Variants in GRIA2 observed in about 807,000 individuals in gnomAD.
GRIA2 encodes the protein glutamate receptor 2.
GRIA2 carries 14 observed loss-of-function variants against 97.3 expected under a neutral mutation model. The ratio of observed to expected loss-of-function variants is 0.14; its 90% CI spans 0.10 to 0.23. GRIA2 has a LOEUF of 0.23. GRIA2 is among the 10% of genes least tolerant of loss of function. The pLI is 1.00. For synonymous variants in GRIA2, 412 were observed against 387.8 expected (o/e 1.06, Z -0.73); for missense variants, 558 against 1,069.8 (o/e 0.52, Z 6.67).
intron 2 of GRIA2, among the ~76,000 whole-genome samples, chr4:157,297,386 A>G (rs576287511): frequency 2.4e-4 from 37 of 152,294 alleles, no homozygotes; most frequent in Admixed American, 1.0e-3. Flanking sequence ...TGCATGATTA[A>G]TAAATAGTTA....
At chr4:157,342,215 A>G (rs1735579677) in intron 12 of GRIA2, 3 of 981,506 alleles carry the variant, frequency 3.1e-6, no homozygotes, top group Admixed American at 6.2e-5. Flanking sequence ...TAATCTACAA[A>G]TATATTCGAA....
At chr4:157,349,914 C>T (rs1405304720) in intron 12 of GRIA2, among the ~76,000 whole-genome samples, 5 of 152,016 alleles carry the variant, frequency 3.3e-5, no homozygotes, top group African/African-American at 9.6e-5. Context: ...CTCTAATGTC[C>T]GTATCATCTG....
chr4:157,225,936 A>G (rs1729725505), intron 2 of GRIA2, among the ~76,000 whole-genome samples: 1 of 152,066 alleles, frequency 6.6e-6, no homozygotes, highest in Non-Finnish European at 1.5e-5. Flanking sequence ...AAAAGATTTT[A>G]GTAAACTTTG....
chr4:157,335,508 A>G (rs1735242369), intron 9 of GRIA2, 163 bp from the exon 10 acceptor site: 1 of 597,852 alleles, frequency 1.7e-6, no homozygotes, highest in Non-Finnish European at 3.0e-6. Flanking sequence ...TTCTGGGGGG[A>G]AGCATTATGC....
intron 2 of GRIA2, among the ~76,000 whole-genome samples, chr4:157,231,229 G>T (rs1055786022): frequency 2.4e-4 from 37 of 152,194 alleles, no homozygotes; most frequent in African/African-American, 7.2e-4. Context: ...AGTAGAGATG[G>T]GGTTTCACCG....
intron 2 of GRIA2, among the ~76,000 whole-genome samples, chr4:157,222,234 G>T (rs115865998): frequency 4.5e-4 from 69 of 152,198 alleles, no homozygotes; most frequent in African/African-American, 1.7e-3. Context: ...CAAATCCCAC[G>T]AGGGACTGCC....
In GRIA2 at chr4:157,361,286, C is replaced by T. The variant is rs1372464062; in HGVS notation, c.2406+162C>T. Among the ~76,000 whole-genome samples, 1 of 152,162 alleles carries T rather than the reference C, an allele frequency of 6.6e-6. No homozygotes were observed. Among genetic ancestry groups the T allele is most frequent in the Non-Finnish European group, 1.5e-5 (1 of 68,036 alleles). On this transcript the variant is annotated intron_variant, in intron 14 of 15. Coordinates refer to ENST00000264426, the MANE Select transcript of GRIA2 (RefSeq NM_001083619.3). This position sits in a 1 kb window ranked among gnomAD's most constrained non-coding sequence, Gnocchi z 5.2. ...GACTTCTTCTTTCTTTCTTCCTCTA[C>T]TTCTCTTTCCCTCTCTTTCTCCATA...
intron 2 of GRIA2, among the ~76,000 whole-genome samples, chr4:157,302,489 T>C (rs910776746): frequency 6.6e-6 from 1 of 152,196 alleles, no homozygotes; most frequent in African/African-American, 2.4e-5. Flanking sequence ...ATTTTGAATG[T>C]AGCATCTATC....
Position 157,269,959 on chromosome 4 carries a change from C to T in GRIA2, c.230-33593C>T, listed in dbSNP as rs933883045. ...CCATCAGTCTTTTTATAAATAAACT[C>T]GGATTTTTCTATCTTTAATAATTCA... On this transcript the variant is annotated intron_variant, in intron 2 of 15. Transcript: ENST00000264426. Among the ~76,000 whole-genome samples the T allele has an allele frequency of 8.6e-5, 13 of 151,900 alleles. No homozygotes were observed. The South Asian group carries it at 1.5e-3, about 17-fold the overall frequency.
At chr4:157,238,125 A>G (rs571146312) in intron 2 of GRIA2, among the ~76,000 whole-genome samples, 25 of 152,158 alleles carry the variant, frequency 1.6e-4, no homozygotes, top group Non-Finnish European at 2.9e-4. Context: ...AGAATCAGTT[A>G]TGTGCTCTAC....
In GRIA2 at chr4:157,360,118, G is replaced by T; in HGVS notation, c.2266G>T (p.Ala756Ser). ...CCTGGATTCCAAAGGCTATGGCATC[G>T]CAACACCTAAAGGATCCTCATTAAG... ...GNLDSKGYGI[A>S]TPKGSSLRNA... Residue 756 changes from alanine (A) to serine (S), a missense_variant, in exon 13 of 16, where the codon GCA becomes TCA. This residue lies in a region of GRIA2 where 125 missense variants were observed against 310.2 expected (regional missense o/e 0.40). Coordinates refer to ENST00000264426, the MANE Select transcript of GRIA2 (RefSeq NM_001083619.3). 6.2e-7 allele frequency: 1 copy of T among 1,613,736 alleles called. No individual in the cohort carries two copies. Among genetic ancestry groups the T allele is most frequent in the Non-Finnish European group, 8.5e-7 (1 of 1,179,822 alleles).
chr4:157,351,336 A>G (rs755739424), intron 12 of GRIA2, among the ~76,000 whole-genome samples: 1 of 152,178 alleles, frequency 6.6e-6, no homozygotes, highest in African/African-American at 2.4e-5. Context: ...CTATTAAAAA[A>G]TGAAAGACAG....
At chr4:157,221,245 C>A in intron 1 of GRIA2, 115 bp downstream of exon 1, 1 of 710,048 alleles carries the variant, frequency 1.4e-6, no homozygotes, top group Non-Finnish European at 2.5e-6. Context: ...TGACTGCATT[C>A]CAGATTTAAA....
intron 6 of GRIA2, among the ~76,000 whole-genome samples, chr4:157,326,739 T>A (rs1734818239): frequency 6.6e-6 from 1 of 152,218 alleles, no homozygotes; most frequent in Non-Finnish European, 1.5e-5. Context: ...AGAAATGATT[T>A]GAAGAAATGC....
chr4:157,260,830 C>T (rs1731498349), intron 2 of GRIA2, among the ~76,000 whole-genome samples: 1 of 151,896 alleles, frequency 6.6e-6, no homozygotes, highest in Non-Finnish European at 1.5e-5. Flanking sequence ...CCTCTTTCTT[C>T]CTTCTTTTTC....
chr4:157,255,292 C>A (rs551923214), intron 2 of GRIA2, among the ~76,000 whole-genome samples: 1 of 152,042 alleles, frequency 6.6e-6, no homozygotes, highest in East Asian at 1.9e-4. Context: ...ATATTGTCTT[C>A]ATCCAATCAT....
chr4:157,290,724 G>T (rs1341515778), intron 2 of GRIA2, among the ~76,000 whole-genome samples: 1 of 151,644 alleles, frequency 6.6e-6, no homozygotes, highest in South Asian at 2.1e-4. Flanking sequence ...CAGAACATAT[G>T]CTTTGATTCA....
rs761336295 is a variant in GRIA2 at position 157,333,338 on chromosome 4, T to A, written c.1140T>A (p.Thr380=). 1 of 1,579,510 alleles carries A rather than the reference T, an allele frequency of 6.3e-7. No individual in the cohort carries two copies. Among genetic ancestry groups the A allele is most frequent in the East Asian group, 2.2e-5 (1 of 44,554 alleles). The part of the protein sequence containing the change: ...NYTINIMELK[T]NGPRKIGYWS... ...CAATTAACATCATGGAGCTCAAAAC[T>A]AATGGGCCCCGGAAGGTAAATCCTT... is the stretch of plus-strand genomic sequence containing the variant. Residue 380 remains threonine (T), a synonymous_variant, in exon 8 of 16, where the codon ACT becomes ACA. Coordinates refer to ENST00000264426, the MANE Select transcript of GRIA2 (RefSeq NM_001083619.3).
chr4:157,337,617 T>C lies in GRIA2; in HGVS notation c.1844+870T>C, dbSNP rs368952161. Among the ~76,000 whole-genome samples the C allele has an allele frequency of 1.4e-4, 22 of 152,138 alleles. 1 individual carries two copies. Among genetic ancestry groups the C allele is most frequent in the African/African-American group, 4.8e-4 (20 of 41,536 alleles). On this transcript the variant is annotated intron_variant, in intron 11 of 15. Transcript: ENST00000264426. ...ATTACCCTTCTTCGATTTTACAGGA[T>C]ATCTTAATAACTAGTGGAGCGGGTG... is the stretch of plus-strand genomic sequence containing the variant.
Sources: allele counts gnomAD v4.1 joint callset (sites outside exome capture counted in the v4.1 genomes callset), GRCh38; gene constraint gnomAD v4.1.1; regional missense constraint gnomAD v4.1.1; non-coding constraint Gnocchi (gnomAD v3.1); transcripts MANE v1.5; gene names NCBI Gene and HGNC (gene_info 2026-07-23, HGNC 2026-07-21).